SLC37A1: variants seen among roughly 807,000 people sequenced by gnomAD.
SLC37A1 encodes glucose-6-phosphate exchanger SLC37A1.
Under a neutral mutation model 75.3 loss-of-function variants are expected in SLC37A1, and 49 were observed. That is an observed-to-expected ratio of 0.65 (90% CI 0.52 to 0.83). SLC37A1 has a LOEUF of 0.83. SLC37A1 is among the 40% of genes least tolerant of loss of function. SLC37A1 has a pLI of 0.00. For synonymous variants in SLC37A1, 268 were observed against 292.1 expected, an observed-to-expected ratio of 0.92 and a Z score of 0.84; for missense variants, 566 against 695.0, an observed-to-expected ratio of 0.81 and a Z score of 2.09.
In SLC37A1 at chr21:42,580,791, A is replaced by G. The variant is rs390840; in HGVS notation, c.*431A>G. The G allele has an allele frequency of 0.73, 140,794 of 192,966 alleles. 52,746 individuals are homozygous for G. Among genetic ancestry groups the G allele is most frequent in the Admixed American group, 0.8 (14,978 of 18,656 alleles). The allele number at this position is 192,966 out of a possible 1,614,324, so 12.0% of individuals were successfully genotyped here. ...GCTTCAGAGAACCTGTATGTGCCAC[A>G]TGGAAAAACAGGACACCAGAGCCCA... is the stretch of plus-strand genomic sequence containing the variant. On this transcript the variant is annotated 3_prime_UTR_variant, in exon 20 of 20. Coordinates refer to ENST00000352133, the MANE Select transcript of SLC37A1 (RefSeq NM_001320537.2).
chr21:42,524,800 T>C (rs1007037147), intron 2 of SLC37A1, among the ~76,000 whole-genome samples: 1 of 152,236 alleles, frequency 6.6e-6, no homozygotes, highest in East Asian at 1.9e-4. Context: ...TCTCTGGCCC[T>C]GGTTCTGGGC....
intron 6 of SLC37A1, 106 bp downstream of exon 6, chr21:42,539,753 G>A (rs2055228181): frequency 1.7e-6 from 2 of 1,171,618 alleles, no homozygotes; most frequent in East Asian, 5.6e-5. Context: ...AGGGGCAGAA[G>A]TGCGTCCTGT....
At chr21:42,506,667 G>A (rs138132121) in intron 2 of SLC37A1, among the ~76,000 whole-genome samples, 4,915 of 152,178 alleles carry the variant, frequency 0.032, 130 homozygotes, top group Non-Finnish European at 0.049. Flanking sequence ...CAACCCCACA[G>A]AATCACACTA....
intron 18 of SLC37A1, chr21:42,575,799 C>A: frequency 1.0e-6 from 1 of 985,336 alleles, no homozygotes; most frequent in Non-Finnish European, 1.2e-6. Context: ...CCACCACATA[C>A]AAAATCAAAT....
chr21:42,505,948 C>T (rs2054380792), intron 2 of SLC37A1, among the ~76,000 whole-genome samples: 1 of 152,142 alleles, frequency 6.6e-6, no homozygotes, highest in Admixed American at 6.5e-5. Flanking sequence ...CATTCAATGA[C>T]CCTACATTAG....
chr21:42,540,353 T>A (rs905804806), intron 6 of SLC37A1, among the ~76,000 whole-genome samples: 1 of 151,856 alleles, frequency 6.6e-6, no homozygotes, highest in Non-Finnish European at 1.5e-5. Flanking sequence ...TGCCTAGGAG[T>A]GTTCAGGGAC....
chr21:42,541,460 G>C (rs1006810266), intron 6 of SLC37A1, among the ~76,000 whole-genome samples: 1 of 152,162 alleles, frequency 6.6e-6, no homozygotes, highest in Non-Finnish European at 1.5e-5. Context: ...CCCTGGTTTC[G>C]TGCAGTCTTG....
At chr21:42,524,652 T>G (rs2054734749) in intron 2 of SLC37A1, among the ~76,000 whole-genome samples, 1 of 152,270 alleles carries the variant, frequency 6.6e-6, no homozygotes, top group Admixed American at 6.5e-5. Flanking sequence ...TGTTGTAAAC[T>G]AAACATTTCA....
intron 2 of SLC37A1, among the ~76,000 whole-genome samples, chr21:42,522,250 A>T (rs2054668335): frequency 6.6e-6 from 1 of 152,196 alleles, no homozygotes; most frequent in South Asian, 2.1e-4. Flanking sequence ...ATTATGGGGG[A>T]TGATATTCAA....
At chr21:42,544,961 A>G (rs917903531) in intron 8 of SLC37A1, among the ~76,000 whole-genome samples, 4 of 152,138 alleles carry the variant, frequency 2.6e-5, no homozygotes, top group African/African-American at 7.2e-5. Flanking sequence ...TTAACTGGAA[A>G]GGGGCTGGCT....
intron 2 of SLC37A1, among the ~76,000 whole-genome samples, chr21:42,524,332 C>A (rs2054727069): frequency 1.3e-5 from 2 of 152,148 alleles, no homozygotes; most frequent in African/African-American, 2.4e-5. Flanking sequence ...GACTCTTAGA[C>A]TGGAGTTGCC....
intron 5 of SLC37A1, 58 bp downstream of exon 5, chr21:42,535,608 A>G (rs1364362867): frequency 6.8e-6 from 10 of 1,472,432 alleles, no homozygotes; most frequent in South Asian, 2.3e-5. Context: ...CCGTGCAGAG[A>G]AGACATCCGC....
intron 3 of SLC37A1, among the ~76,000 whole-genome samples, chr21:42,526,458 T>G (rs1366086183): frequency 6.6e-6 from 1 of 152,230 alleles, no homozygotes; most frequent in African/African-American, 2.4e-5. Context: ...GTCTCTATCG[T>G]AGAAGAACGA....
intron 2 of SLC37A1, among the ~76,000 whole-genome samples, chr21:42,525,234 G>A (rs945736531): frequency 6.6e-6 from 1 of 152,252 alleles, no homozygotes; most frequent in Admixed American, 6.5e-5. Context: ...GTTTCCCTGA[G>A]TTCTACGAGC....
At chr21:42,550,560 C>CA (rs1315396322) in intron 9 of SLC37A1, among the ~76,000 whole-genome samples, 3 of 152,116 alleles carry the variant, frequency 2.0e-5, no homozygotes, top group Non-Finnish European at 4.4e-5. Flanking sequence ...CAAACTCTTC[C>CA]AAAAAATAAA....
At chr21:42,556,123 G>A (rs148810890) in intron 10 of SLC37A1, among the ~76,000 whole-genome samples, 58 of 152,334 alleles carry the variant, frequency 3.8e-4, no homozygotes, top group African/African-American at 1.2e-3. Context: ...GCTGGGGGGC[G>A]GGGAGCAAAT....
chr21:42,561,443 G>C (rs2055825249), intron 11 of SLC37A1: 2 of 154,998 alleles, frequency 1.3e-5, no homozygotes, highest in Admixed American at 6.4e-5. Context: ...CACAAGGCGG[G>C]ATGCGGTAGC....
At chr21:42,526,203 A>G (rs1232338314) in intron 3 of SLC37A1, among the ~76,000 whole-genome samples, 2 of 151,820 alleles carry the variant, frequency 1.3e-5, no homozygotes, top group Non-Finnish European at 2.9e-5. Context: ...GTGCGATCCA[A>G]CCCTAGGTCT....
chr21:42,504,868 G>A (rs979471525), intron 2 of SLC37A1, among the ~76,000 whole-genome samples: 7 of 152,094 alleles, frequency 4.6e-5, no homozygotes, highest in African/African-American at 1.7e-4. Flanking sequence ...ACTTGCTACC[G>A]GTTTACTAAG....
Sources: allele counts gnomAD v4.1 joint callset (sites outside exome capture counted in the v4.1 genomes callset), GRCh38; gene constraint gnomAD v4.1.1; transcripts MANE v1.5; gene names NCBI Gene and HGNC (gene_info 2026-07-23, HGNC 2026-07-21).